Variants in GPC5 observed in about 807,000 individuals in gnomAD.
The protein encoded by GPC5 is glypican-5.
In GPC5, 47 loss-of-function variants were observed where a neutral mutation model predicts 53.9. The ratio of observed to expected loss-of-function variants is 0.87; its 90% CI spans 0.69 to 1.11. GPC5 has a LOEUF of 1.11. Ranked by LOEUF, GPC5 falls within the 50% of genes most tolerant of loss-of-function variation. The pLI is 0.00. For missense variants in GPC5, 748 were observed against 713.1 expected (o/e 1.05, Z -0.56); for synonymous variants, 286 against 263.3 (o/e 1.09, Z -0.84).
At chr13:91,425,344 A>G (rs1878963520) in intron 1 of GPC5, among the ~76,000 whole-genome samples, 3 of 152,186 alleles carry the variant, frequency 2.0e-5, no homozygotes, top group African/African-American at 7.2e-5. Context: ...AGTGTGTGAT[A>G]TGGTTAGGCT....
At chr13:92,328,009 C>T (rs1267048425) in intron 7 of GPC5, among the ~76,000 whole-genome samples, 1 of 152,154 alleles carries the variant, frequency 6.6e-6, no homozygotes, top group Non-Finnish European at 1.5e-5. Flanking sequence ...TTGAAATGTA[C>T]TTTTTGGAAA....
At chr13:91,988,829 GCTTGATTAGCA>G (rs973919916) in intron 6 of GPC5, among the ~76,000 whole-genome samples, 9 of 149,782 alleles carry the variant, frequency 6.0e-5, no homozygotes, top group African/African-American at 1.7e-4. Context: ...CGTCTTCCTT[GCTTGATTAGCA>G]CTTGGTCAAA....
At chr13:92,826,751 T>C (rs914453751) in intron 7 of GPC5, among the ~76,000 whole-genome samples, 5 of 152,140 alleles carry the variant, frequency 3.3e-5, no homozygotes, top group Admixed American at 6.6e-5. Context: ...CATTAACGTA[T>C]CTCATTAATA....
intron 7 of GPC5, among the ~76,000 whole-genome samples, chr13:92,169,483 A>G (rs1174654064): frequency 7.2e-5 from 11 of 152,208 alleles, no homozygotes; most frequent in Non-Finnish European, 1.5e-4. Context: ...TTTTATTTCA[A>G]AGACAGTGTT....
chr13:91,487,414 G>A lies in GPC5; in HGVS notation c.325+38492G>A, dbSNP rs916437060. ...ATTATCCTGTGGAAACATCTGTCCA[G>A]GTGTGGTTACATTTCTCACTCTTAT... is the stretch of plus-strand genomic sequence containing the variant. On this transcript the variant is annotated intron_variant, in intron 2 of 7. Transcript: ENST00000377067. 2.0e-5 allele frequency among the ~76,000 whole-genome samples: 3 copies of A among 152,148 alleles called. No individual in the cohort carries two copies. In the East Asian group the frequency reaches 5.8e-4, roughly 29 times the overall value.
intron 7 of GPC5, among the ~76,000 whole-genome samples, chr13:92,434,558 G>C (rs1033249036): frequency 3.9e-5 from 6 of 152,056 alleles, no homozygotes; most frequent in Non-Finnish European, 7.4e-5. Context: ...GATTCTACAA[G>C]TTTATTACAT....
chr13:92,308,295 G>A (rs2043124211), intron 7 of GPC5, among the ~76,000 whole-genome samples: 1 of 152,062 alleles, frequency 6.6e-6, no homozygotes, highest in Admixed American at 6.6e-5. Flanking sequence ...TGTGCCGCCT[G>A]GCAGCCAAAA....
chr13:91,975,777 A>G (rs900783701), intron 6 of GPC5, among the ~76,000 whole-genome samples: 6 of 152,188 alleles, frequency 3.9e-5, no homozygotes, highest in African/African-American at 7.2e-5. Flanking sequence ...CTGGGTATAT[A>G]CCCAAAGGAT....
chr13:91,697,608 TTTAATA>T (rs2035907329), intron 3 of GPC5, among the ~76,000 whole-genome samples: 1 of 152,166 alleles, frequency 6.6e-6, no homozygotes, highest in Non-Finnish European at 1.5e-5. Flanking sequence ...CTAACGTATT[TTTAATA>T]TTAACGGATT....
chr13:92,685,087 C>CTATTTAATTATTTATT (rs1887221155), intron 7 of GPC5, among the ~76,000 whole-genome samples: 1 of 150,520 alleles, frequency 6.6e-6, no homozygotes, highest in Non-Finnish European at 1.5e-5. Context: ...TCCAGTAGTT[C>CTATTTAATTATTTATT]TATTTATTTA....
At chr13:91,534,840 T>A (rs1053232011) in intron 2 of GPC5, among the ~76,000 whole-genome samples, 1 of 152,216 alleles carries the variant, frequency 6.6e-6, no homozygotes, top group Non-Finnish European at 1.5e-5. Flanking sequence ...TTATCATTTT[T>A]TGGCTTGGCC....
At chr13:91,828,174 T>A (rs1277931391) in intron 5 of GPC5, among the ~76,000 whole-genome samples, 1 of 152,066 alleles carries the variant, frequency 6.6e-6, no homozygotes, top group Non-Finnish European at 1.5e-5. Flanking sequence ...GATAACTTTC[T>A]CAGATTACTT....
At chr13:92,468,105 A>G (rs1238781517) in intron 7 of GPC5, among the ~76,000 whole-genome samples, 1 of 152,138 alleles carries the variant, frequency 6.6e-6, no homozygotes, top group South Asian at 2.1e-4. Context: ...TGACAGTATG[A>G]AATCCAACTC....
At chr13:91,799,412 C>T (rs1475278751) in intron 5 of GPC5, among the ~76,000 whole-genome samples, 2 of 152,120 alleles carry the variant, frequency 1.3e-5, no homozygotes, top group African/African-American at 2.4e-5. Flanking sequence ...TGGGATGAAT[C>T]ATACCTCAAA....
intron 6 of GPC5, among the ~76,000 whole-genome samples, chr13:91,920,941 T>C (rs1267748843): frequency 7.2e-6 from 1 of 138,906 alleles, no homozygotes; most frequent in Non-Finnish European, 1.6e-5. Context: ...TTTTTTTTTT[T>C]TTTTTTTTTT....
chr13:92,565,961 A>G (rs1223305432), intron 7 of GPC5, among the ~76,000 whole-genome samples: 1 of 152,098 alleles, frequency 6.6e-6, no homozygotes, highest in Non-Finnish European at 1.5e-5. Flanking sequence ...AGATATTACA[A>G]TGTATTCAGT....
intron 7 of GPC5, among the ~76,000 whole-genome samples, chr13:92,751,903 C>T (rs761089450): frequency 5.9e-5 from 9 of 152,094 alleles, no homozygotes; most frequent in Non-Finnish European, 1.3e-4. Context: ...AAGATGGTTA[C>T]ATTGTTTCAC....
At chr13:91,566,155 G>A (rs372603085) in intron 2 of GPC5, among the ~76,000 whole-genome samples, 19 of 152,080 alleles carry the variant, frequency 1.2e-4, no homozygotes, top group Admixed American at 3.9e-4. Flanking sequence ...ATCTTTGTGC[G>A]TGGGGGTCAC....
At chr13:92,446,896 C>G (rs1053536286) in intron 7 of GPC5, 1 of 152,036 alleles carries the variant, frequency 6.6e-6, no homozygotes. Context: ...TGTTGAGTAT[C>G]TTTTCATATA....
Sources: allele counts gnomAD v4.1 joint callset (sites outside exome capture counted in the v4.1 genomes callset), GRCh38; gene constraint gnomAD v4.1.1; transcripts MANE v1.5; gene names NCBI Gene and HGNC (gene_info 2026-07-23, HGNC 2026-07-21).